ERICH6B: variants seen among roughly 807,000 people sequenced by gnomAD.
The protein encoded by ERICH6B is glutamate-rich protein 6B.
Under a neutral mutation model 80.0 loss-of-function variants are expected in ERICH6B, and 69 were observed. The ratio of observed to expected loss-of-function variants is 0.86; its 90% CI spans 0.71 to 1.05. ERICH6B has a LOEUF of 1.05. Ranked by LOEUF, ERICH6B falls within the 50% of genes least tolerant of loss-of-function variation. ERICH6B has a pLI of 0.00. For synonymous variants in ERICH6B, 283 were observed against 291.9 expected (o/e 0.97, Z 0.31); for missense variants, 754 against 796.1 (o/e 0.95, Z 0.64).
intron 2 of ERICH6B, among the ~76,000 whole-genome samples, chr13:45,600,638 A>G (rs546115152): frequency 6.6e-6 from 1 of 152,340 alleles, no homozygotes; most frequent in South Asian, 2.1e-4. Flanking sequence ...TTCAGTTCAG[A>G]CAATGGTCTC....
Position 45,576,339 on chromosome 13 carries a change from C to T in ERICH6B, c.962-1409G>A, listed in dbSNP as rs540818109. 6.6e-5 allele frequency among the ~76,000 whole-genome samples: 10 copies of T among 152,358 alleles called. No individual in the cohort carries two copies. In the South Asian group the frequency reaches 1.9e-3, roughly 28 times the overall value. On this transcript the variant is annotated intron_variant, in intron 7 of 14. Transcript: ENST00000298738. ...TCTTCCATCACTTCCCACAGGTGCA[C>T]ACAATGCCACCCCCACTGGGGTACC... is the stretch of plus-strand genomic sequence containing the variant.
intron 3 of ERICH6B, among the ~76,000 whole-genome samples, chr13:45,593,639 A>C (rs1283670531): frequency 6.6e-6 from 1 of 152,182 alleles, no homozygotes; most frequent in Non-Finnish European, 1.5e-5. Flanking sequence ...GCTGGCATTC[A>C]AACCTAGGCA....
chr13:45,576,557 A>T (rs1252912435), intron 7 of ERICH6B, among the ~76,000 whole-genome samples: 1 of 152,198 alleles, frequency 6.6e-6, no homozygotes, highest in Non-Finnish European at 1.5e-5. Context: ...GAAATGAATG[A>T]ACTGGTAGAA....
At chr13:45,545,133 C>A in intron 13 of ERICH6B, 148 bp from the exon 14 acceptor site, 1 of 671,674 alleles carries the variant, frequency 1.5e-6, no homozygotes, top group Non-Finnish European at 2.5e-6. Flanking sequence ...CATGGACAAC[C>A]AACCCAACAC....
At chr13:45,565,814 A>G (rs1017200048) in intron 9 of ERICH6B, among the ~76,000 whole-genome samples, 7 of 152,200 alleles carry the variant, frequency 4.6e-5, no homozygotes, top group Non-Finnish European at 1.0e-4. Flanking sequence ...GTAAATTTGT[A>G]CCAGTAGAGT....
chr13:45,606,532 TATATA>T (rs1949864681), intron 2 of ERICH6B, among the ~76,000 whole-genome samples: 2 of 25,006 alleles, frequency 8.0e-5, no homozygotes, highest in South Asian at 1.9e-3. Context: ...TATATATATA[TATATA>T]TATATATATA....
At chr13:45,595,936 C>T (rs1876349912) in intron 3 of ERICH6B, among the ~76,000 whole-genome samples, 1 of 152,156 alleles carries the variant, frequency 6.6e-6, no homozygotes, top group Admixed American at 6.5e-5. Flanking sequence ...TGAGCCACTG[C>T]TCCTGGCCTG....
rs1875515381 is a variant in ERICH6B at position 45,578,429 on chromosome 13, T to C, written c.961+1504A>G. ...CACAGTGGTTCTGAATAAAGTCTAC[T>C]TACTCTTACTGTGCTTTAACAAATG... On this transcript the variant is annotated intron_variant, in intron 7 of 14. Transcript: ENST00000298738. Among the ~76,000 whole-genome samples, 9 of 152,226 alleles carry C rather than the reference T, an allele frequency of 5.9e-5. No individual in the cohort carries two copies. The South Asian group carries it at 1.9e-3, about 31-fold the overall frequency.
At chr13:45,550,600 G>A (rs1874181765) in intron 11 of ERICH6B, among the ~76,000 whole-genome samples, 1 of 152,128 alleles carries the variant, frequency 6.6e-6, no homozygotes, top group Non-Finnish European at 1.5e-5. Context: ...TCACAAACTG[G>A]GCATCTTAAA....
intron 11 of ERICH6B, among the ~76,000 whole-genome samples, chr13:45,550,825 G>A (rs1874192569): frequency 2.0e-5 from 3 of 152,150 alleles, no homozygotes; most frequent in African/African-American, 2.4e-5. Context: ...GTATCTTCAC[G>A]TGGCCATCCT....
At chr13:45,574,355 T>G (rs1875291989) in intron 8 of ERICH6B, among the ~76,000 whole-genome samples, 1 of 152,220 alleles carries the variant, frequency 6.6e-6, no homozygotes, top group Non-Finnish European at 1.5e-5. Context: ...ACACAAATTT[T>G]GTCTTAAAGA....
chr13:45,552,381 T>G (rs1216916180), intron 11 of ERICH6B, among the ~76,000 whole-genome samples: 1 of 152,104 alleles, frequency 6.6e-6, no homozygotes, highest in African/African-American at 2.4e-5. Context: ...GCTCAGAAGC[T>G]CACTCTTCTG....
intron 7 of ERICH6B, among the ~76,000 whole-genome samples, chr13:45,579,288 G>A (rs903504384): frequency 7.2e-5 from 11 of 152,184 alleles, no homozygotes; most frequent in Non-Finnish European, 1.6e-4. Flanking sequence ...TGGGGATGGA[G>A]GTATAAGCAG....
rs189480864 is a variant in ERICH6B, at chr13:45,569,700, G to A, written c.1051-1249C>T. The stretch of plus-strand genomic sequence containing the variant: ...CAGCAAGTGAAAGACCAACATATCC[G>A]AAGTTTCACATGATCTGGGACAGAT... On this transcript the variant is annotated intron_variant, in intron 8 of 14. Transcript: ENST00000298738. Among the ~76,000 whole-genome samples, 46 of 152,284 alleles carry A rather than the reference G, an allele frequency of 3.0e-4. 1 individual carries two copies. Among genetic ancestry groups the A allele is most frequent in the Admixed American group, 2.2e-3 (34 of 15,300 alleles).
At chr13:45,600,052 T>C (rs1949816809) in intron 2 of ERICH6B, among the ~76,000 whole-genome samples, 1 of 152,192 alleles carries the variant, frequency 6.6e-6, no homozygotes, top group African/African-American at 2.4e-5. Flanking sequence ...GACACTGTCT[T>C]TGGGGCAAAG....
intron 7 of ERICH6B, among the ~76,000 whole-genome samples, chr13:45,578,096 G>T (rs1410648567): frequency 4.6e-5 from 7 of 152,176 alleles, no homozygotes; most frequent in Non-Finnish European, 7.4e-5. Context: ...CAAGAACCCT[G>T]CTAAGTTGGT....
chr13:45,582,649 G>A (rs1875722981), intron 5 of ERICH6B, among the ~76,000 whole-genome samples: 1 of 152,122 alleles, frequency 6.6e-6, no homozygotes, highest in East Asian at 1.9e-4. Context: ...AGAGCTCCAC[G>A]GCTCTCTGCT....
chr13:45,564,949 C>T (rs1289267830), intron 9 of ERICH6B, among the ~76,000 whole-genome samples: 1 of 152,160 alleles, frequency 6.6e-6, no homozygotes, highest in African/African-American at 2.4e-5. Flanking sequence ...GGCGGCTCTT[C>T]AATACCAGAG....
chr13:45,609,898 C>T (rs374393603), intron 1 of ERICH6B, among the ~76,000 whole-genome samples: 1 of 152,222 alleles, frequency 6.6e-6, no homozygotes, highest in Non-Finnish European at 1.5e-5. Context: ...GAGATCTGAT[C>T]TGGCCAACCT....
Sources: gnomAD v4.1 joint callset for allele counts (sites outside exome capture counted in the v4.1 genomes callset) on GRCh38, gnomAD v4.1.1 for gene constraint, MANE v1.5 for transcripts, NCBI Gene and HGNC (gene_info 2026-07-23, HGNC 2026-07-21) for gene names.